Variants in CAPS2 observed in about 807,000 individuals in gnomAD.
CAPS2 encodes the protein calcyphosin-2.
A neutral mutation model predicts 86.5 loss-of-function variants in CAPS2; 98 were observed. The ratio of observed to expected loss-of-function variants is 1.13; its 90% CI spans 0.96 to 1.34. The LOEUF (loss-of-function observed/expected upper bound fraction) is 1.34. Ranked by LOEUF, CAPS2 falls within the 40% of genes most tolerant of loss-of-function variation. CAPS2 has a pLI of 0.00. For missense variants in CAPS2, 729 were observed against 686.8 expected, an observed-to-expected ratio of 1.06 and a Z score of -0.69; for synonymous variants, 210 against 225.1, an observed-to-expected ratio of 0.93 and a Z score of 0.60.
intron 6 of CAPS2, among the ~76,000 whole-genome samples, chr12:75,314,856 T>C (rs1050711576): frequency 9.9e-5 from 15 of 152,030 alleles, no homozygotes; most frequent in African/African-American, 3.1e-4. Flanking sequence ...CACACTGATT[T>C]AGAGATCTGT....
intron 14 of CAPS2, among the ~76,000 whole-genome samples, chr12:75,286,811 A>C (rs2034952279): frequency 6.6e-6 from 1 of 151,682 alleles, no homozygotes; most frequent in African/African-American, 2.4e-5. Flanking sequence ...TTACAGAAAA[A>C]ATATAAAATA....
At position 75,322,532 on chromosome 12, in the gene CAPS2, C is replaced by T. The variant is rs114428778; in HGVS notation, c.291+442G>A. ...GACTAACAAAAACAGAAAAGCCCTACACCTATACTAGTCAGAATCTATATT... is the reference window on the plus strand; with the variant it reads ...GACTAACAAAAACAGAAAAGCCCTATACCTATACTAGTCAGAATCTATATT... On this transcript the variant is annotated intron_variant, in intron 4 of 16. Transcript: ENST00000393284. Among the ~76,000 whole-genome samples the T allele has an allele frequency of 5.0e-3, 768 of 152,324 alleles. 10 individuals are homozygous for T. Among genetic ancestry groups the T allele is most frequent in the African/African-American group, 0.018 (736 of 41,572 alleles).
chr12:75,322,066 C>G (rs373526765), intron 4 of CAPS2, among the ~76,000 whole-genome samples: 1 of 151,778 alleles, frequency 6.6e-6, no homozygotes, highest in Non-Finnish European at 1.5e-5. Flanking sequence ...TCTCTTAAAC[C>G]AAAAATAAAC....
At chr12:75,375,429 T>C (rs2044600573) in intron 1 of CAPS2, among the ~76,000 whole-genome samples, 2 of 152,160 alleles carry the variant, frequency 1.3e-5, no homozygotes. Flanking sequence ...AGTGCATAGT[T>C]ACCCTGGTAA....
intron 12 of CAPS2, among the ~76,000 whole-genome samples, chr12:75,292,892 AT>A (rs1466760772): frequency 6.6e-6 from 1 of 151,466 alleles, no homozygotes; most frequent in African/African-American, 2.4e-5. Flanking sequence ...CTAAAAAAAA[AT>A]CATAATAACA....
intron 4 of CAPS2, 122 bp from the exon 5 acceptor site, chr12:75,321,698 T>C (rs2139003290): frequency 1.4e-6 from 1 of 708,032 alleles, no homozygotes; most frequent in African/African-American, 1.8e-5. Flanking sequence ...TTATAGTCAA[T>C]GTTCTAAGCA....
upstream of CAPS2, among the ~76,000 whole-genome samples, chr12:75,332,101 G>A (rs1352460214): frequency 6.6e-6 from 1 of 152,078 alleles, no homozygotes; most frequent in African/African-American, 2.4e-5. Context: ...TATTAAAAAC[G>A]TCTCTTAGAA....
At chr12:75,305,262 A>G (rs1415306129) in intron 7 of CAPS2, among the ~76,000 whole-genome samples, 1 of 152,230 alleles carries the variant, frequency 6.6e-6, no homozygotes, top group African/African-American at 2.4e-5. Context: ...GAACAAACAT[A>G]GAAGAGAATA....
chr12:75,282,250 C>A lies in CAPS2; in HGVS notation c.1612+1G>T. On this transcript the variant is annotated splice_donor_variant, in intron 16 of 16. Coordinates refer to ENST00000393284, the Ensembl canonical transcript of CAPS2. LOFTEE classifies it high-confidence loss of function. ...AATGCATTTTAACTCCGAATAATTA[C>A]CTGAAATTACTTGAGAATGCTTCTT... The A allele has an allele frequency of 1.4e-6, 2 of 1,473,216 alleles. No homozygotes were observed. Among genetic ancestry groups the A allele is most frequent in the Non-Finnish European group, 1.9e-6 (2 of 1,051,988 alleles). 91.3% of individuals were successfully genotyped at this position (1,473,216 alleles called of 1,614,324 possible).
intron 1 of CAPS2, among the ~76,000 whole-genome samples, chr12:75,370,924 T>C (rs1357559865): frequency 6.6e-6 from 1 of 152,208 alleles, no homozygotes; most frequent in Non-Finnish European, 1.5e-5. Flanking sequence ...TGCTGAATTG[T>C]TGACTCCTGT....
At chr12:75,277,589 A>G in exon 17 of CAPS2, 1 of 978,192 alleles carries the variant, frequency 1.0e-6, no homozygotes, top group Non-Finnish European at 1.2e-6. Context: ...TTTCCCTCTC[A>G]TGTTTTAGTA....
At position 75,291,824 on chromosome 12, in the gene CAPS2, C is replaced by A. The variant is rs774160887; in HGVS notation, c.1164-4G>T. ...CTCCTGTTCCATAGAAGCAGTTCTG[C>A]AATTGACATGTTCACAGGGATGAAA... On this transcript the variant is annotated splice_region_variant and splice_polypyrimidine_tract_variant and intron_variant, in intron 12 of 16. Coordinates refer to ENST00000393284, the Ensembl canonical transcript of CAPS2. The A allele has an allele frequency of 6.7e-7, 1 of 1,493,978 alleles. No individual in the cohort carries two copies. Among genetic ancestry groups the A allele is most frequent in the South Asian group, 1.2e-5 (1 of 80,392 alleles). 92.5% of individuals were successfully genotyped at this position (1,493,978 alleles called of 1,614,324 possible).
At chr12:75,329,947 G>A, upstream of CAPS2, 13 of 1,234,164 alleles carry the variant, frequency 1.1e-5, no homozygotes, top group Non-Finnish European at 1.4e-5. Flanking sequence ...TCGGTAAGAA[G>A]AGGTCCAGAG....
chr12:75,354,758 C>T (rs558112823), intron 1 of CAPS2, among the ~76,000 whole-genome samples: 23 of 152,276 alleles, frequency 1.5e-4, no homozygotes, highest in Admixed American at 9.2e-4. Flanking sequence ...ACCAAAACAG[C>T]ATGGTACTGG....
At chr12:75,308,902 CAA>C (rs10634496) in intron 7 of CAPS2, among the ~76,000 whole-genome samples, 7 of 98,196 alleles carry the variant, frequency 7.1e-5, no homozygotes, top group Admixed American at 1.2e-4. Flanking sequence ...GACTCGGTCT[CAA>C]AAAAAAAAAA....
chr12:75,331,621 T>C (rs1274508772), upstream of CAPS2, among the ~76,000 whole-genome samples: 1 of 151,648 alleles, frequency 6.6e-6, no homozygotes, highest in Non-Finnish European at 1.5e-5. Context: ...TGGAGTGCAG[T>C]GGCGGGATCT....
intron 8 of CAPS2, among the ~76,000 whole-genome samples, chr12:75,302,630 T>C (rs575841554): frequency 6.6e-6 from 1 of 152,290 alleles, no homozygotes; most frequent in South Asian, 2.1e-4. Flanking sequence ...TAGGAAAAGA[T>C]ATGTGCGACA....
intron 1 of CAPS2, among the ~76,000 whole-genome samples, chr12:75,376,659 C>T (rs534370504): frequency 6.6e-6 from 1 of 152,338 alleles, no homozygotes; most frequent in East Asian, 1.9e-4. Context: ...TCAGTGCCCC[C>T]AGCCTCATCC....
intron 1 of CAPS2, among the ~76,000 whole-genome samples, chr12:75,343,338 A>G (rs893100224): frequency 6.6e-6 from 1 of 151,994 alleles, no homozygotes; most frequent in African/African-American, 2.4e-5. Context: ...TTTAATTATC[A>G]ATGAGTATTC....
Sources: gnomAD v4.1 joint callset for allele counts (sites outside exome capture counted in the v4.1 genomes callset) on GRCh38, gnomAD v4.1.1 for gene constraint, MANE v1.5 for transcripts, NCBI Gene and HGNC (gene_info 2026-07-23, HGNC 2026-07-21) for gene names.